The following NBPF15 variants were observed in gnomAD, a reference collection of about 807,000 sequenced individuals.
The protein encoded by NBPF15 is NBPF member 15.
Under a neutral mutation model 62.2 loss-of-function variants are expected in NBPF15, and 74 were observed. The observed-to-expected ratio is 1.19, with a 90% CI of 0.99 to 1.44. The LOEUF is 1.44. NBPF15 is among the 40% of genes most tolerant of loss of function. The probability of loss-of-function intolerance (pLI) is 0.00; values close to 1 mark genes in which losing one functional copy is unlikely to be tolerated. For synonymous variants in NBPF15, 244 were observed against 209.7 expected, an observed-to-expected ratio of 1.16 and a Z score of -1.41; for missense variants, 790 against 550.0, an observed-to-expected ratio of 1.44 and a Z score of -4.36.
At chr1:144,453,638 C>CAAAAAAAAAAAAAAAAAAAAAAA (rs200525708) in intron 4 of NBPF15, among the ~76,000 whole-genome samples, 3 of 36,400 alleles carry the variant, frequency 8.2e-5, no homozygotes, top group Non-Finnish European at 2.1e-4. Flanking sequence ...CAACACAAAG[C>CAAAAAAAAAAAAAAAAAAAAAAA]AAAAAAAAAA....
In NBPF15 at chr1:144,461,371, C is replaced by G. The variant is rs79851175; in HGVS notation, c.-938+10G>C. On this transcript the variant is annotated intron_variant, in intron 1 of 21. Coordinates refer to ENST00000581897, the MANE Select transcript of NBPF15 (RefSeq NM_001385408.1). ...CGACCCAGCTGTGTACCCGCGGGTCCCGGACTCACCGCCCGCCCGGCCTGG... is the reference window on the plus strand; with the variant it reads ...CGACCCAGCTGTGTACCCGCGGGTCGCGGACTCACCGCCCGCCCGGCCTGG... 2 of 151,738 alleles carry G rather than the reference C, an allele frequency of 1.3e-5. No individual in the cohort carries two copies. The highest frequency in any genetic ancestry group is 4.8e-5 in the African/African-American group (2 of 41,288). The allele number at this position is 151,738 out of a possible 1,614,324, so 9.4% of individuals were successfully genotyped here.
At position 144,461,385 on chromosome 1, in the gene NBPF15, C is replaced by T. The variant is rs1181645098; in HGVS notation, c.-942G>A. On this transcript the variant is annotated 5_prime_UTR_variant, in exon 1 of 22. Transcript: ENST00000581897. The stretch of plus-strand genomic sequence containing the variant: ...ACCCGCGGGTCCCGGACTCACCGCC[C>T]GCCCGGCCTGGCGCGGCGCCTTCAC... 2 of 151,900 alleles carry T rather than the reference C, an allele frequency of 1.3e-5. No individual in the cohort carries two copies. The highest frequency in any genetic ancestry group is 2.1e-4 in the South Asian group (1 of 4,820). 9.4% of individuals were successfully genotyped at this position (151,900 alleles called of 1,614,324 possible).
intron 4 of NBPF15, among the ~76,000 whole-genome samples, chr1:144,456,291 C>G (rs1647712063): frequency 6.6e-6 from 1 of 151,912 alleles, no homozygotes; most frequent in Non-Finnish European, 1.5e-5. Context: ...AGGAAAAGTC[C>G]TGGAGAGAAC....
chr1:144,440,136 C>T lies in NBPF15; in HGVS notation c.-36+5G>A, dbSNP rs1681722679. The T allele has an allele frequency of 1.3e-6, 2 of 1,583,830 alleles. No homozygotes were observed. Among genetic ancestry groups the T allele is most frequent in the Non-Finnish European group, 1.7e-6 (2 of 1,157,520 alleles). ...GGATGTAAGTAACTGAAATTCTTAA[C>T]TTACTGTTGTCAAAAATGTGATCAC... is the stretch of plus-strand genomic sequence containing the variant. On this transcript the variant is annotated splice_donor_5th_base_variant and intron_variant, in intron 7 of 21. Coordinates refer to ENST00000581897, the MANE Select transcript of NBPF15 (RefSeq NM_001385408.1).
intron 15 of NBPF15, among the ~76,000 whole-genome samples, 168 bp downstream of exon 15, chr1:144,428,438 G>A (rs1553539737): frequency 1.3e-5 from 2 of 152,100 alleles, no homozygotes. Context: ...AGGAAGAAAT[G>A]GAAACCTAAA....
chr1:144,427,776 A>G, intron 16 of NBPF15, 42 bp downstream of exon 16: 3 of 616,162 alleles, frequency 4.9e-6, no homozygotes, highest in Non-Finnish European at 8.6e-6. Flanking sequence ...CCTAACCAGA[A>G]GACTCAGTGG....
At chr1:144,458,833 A>G (rs1316238555) in intron 3 of NBPF15, among the ~76,000 whole-genome samples, 1 of 151,942 alleles carries the variant, frequency 6.6e-6, no homozygotes, top group East Asian at 1.9e-4. Context: ...TGAGCCCAAG[A>G]GTTTGAGACC....
At chr1:144,431,574 AT>A (rs1235294301) in intron 13 of NBPF15, among the ~76,000 whole-genome samples, 1 of 146,388 alleles carries the variant, frequency 6.8e-6, no homozygotes, top group East Asian at 2.0e-4. Context: ...ACATGTCCAC[AT>A]TGGTGTGCTT....
In NBPF15 at chr1:144,440,132, T is replaced by G; in HGVS notation, c.-36+9A>C. ...TGAGGGATGTAAGTAACTGAAATTCTTAACTTACTGTTGTCAAAAATGTGA... is the reference window on the plus strand; with the variant it reads ...TGAGGGATGTAAGTAACTGAAATTCGTAACTTACTGTTGTCAAAAATGTGA... On this transcript the variant is annotated intron_variant, in intron 7 of 21. Transcript: ENST00000581897. The G allele has an allele frequency of 6.3e-7, 1 of 1,583,328 alleles. No individual in the cohort carries two copies. The highest frequency in any genetic ancestry group is 8.6e-7 in the Non-Finnish European group (1 of 1,156,468).
At chr1:144,440,988 G>T (rs1301626297) in intron 6 of NBPF15, among the ~76,000 whole-genome samples, 5 of 151,400 alleles carry the variant, frequency 3.3e-5, no homozygotes, top group African/African-American at 1.2e-4. Context: ...TACTCAGGTG[G>T]GTATATATGC....
At chr1:144,428,866 T>G (rs1309144226) in intron 14 of NBPF15, among the ~76,000 whole-genome samples, 137 of 151,960 alleles carry the variant, frequency 9.0e-4, no homozygotes, top group Non-Finnish European at 1.1e-3. Flanking sequence ...ATTCCCCTGT[T>G]TTGGAATGTT....
intron 14 of NBPF15, among the ~76,000 whole-genome samples, chr1:144,429,239 A>T (rs1431951184): frequency 6.7e-6 from 1 of 149,560 alleles, no homozygotes; most frequent in Non-Finnish European, 1.5e-5. Context: ...AAATTCAGTG[A>T]AACCTGGGTC....
At chr1:144,423,713 A>C (rs1415567325) in intron 21 of NBPF15, among the ~76,000 whole-genome samples, 157 bp downstream of exon 21, 1 of 151,918 alleles carries the variant, frequency 6.6e-6, no homozygotes, top group Non-Finnish European at 1.5e-5. Flanking sequence ...AAGAAATGGA[A>C]ACCTAAACAT....
rs1424731736 is a variant in NBPF15 at position 144,421,642 on chromosome 1, G to A, written c.*1371C>T. 2.6e-5 allele frequency: 4 copies of A among 151,338 alleles called. No homozygotes were observed. Among genetic ancestry groups the A allele is most frequent in the Non-Finnish European group, 5.9e-5 (4 of 67,764 alleles). The allele number at this position is 151,338 out of a possible 1,614,324, so 9.4% of individuals were successfully genotyped here. On this transcript the variant is annotated 3_prime_UTR_variant, in exon 22 of 22. Coordinates refer to ENST00000581897, the MANE Select transcript of NBPF15 (RefSeq NM_001385408.1). ...AAAATTGAGACCCAAAATTTGCAGT[G>A]TAGAGATATGAATATAATAATAGAC...
chr1:144,437,237 A>G (rs1679185943), intron 9 of NBPF15, 128 bp from the exon 10 acceptor site: 1 of 945,290 alleles, frequency 1.1e-6, no homozygotes, highest in Non-Finnish European at 1.7e-6. Flanking sequence ...CACATGTTTA[A>G]AGGAATGTCT....
intron 13 of NBPF15, among the ~76,000 whole-genome samples, chr1:144,432,405 G>A (rs587680374): frequency 1.3e-5 from 2 of 151,998 alleles, no homozygotes; most frequent in East Asian, 1.9e-4. Flanking sequence ...ATCAACTAAC[G>A]GGCGAAATAA....
At chr1:144,458,082 G>C (rs1161861426) in intron 3 of NBPF15, among the ~76,000 whole-genome samples, 1 of 149,914 alleles carries the variant, frequency 6.7e-6, no homozygotes, top group East Asian at 2.0e-4. Flanking sequence ...GCGAGACACT[G>C]TCTCAAGAAA....
intron 6 of NBPF15, among the ~76,000 whole-genome samples, chr1:144,448,473 C>G (rs587634443): frequency 1.3e-5 from 2 of 152,034 alleles, no homozygotes; most frequent in Admixed American, 6.6e-5. Context: ...AGGGAGGGGA[C>G]AGACAACAAA....
Position 144,423,088 on chromosome 1 carries a change from C to T in NBPF15, c.1938G>A (p.Val646=), listed in dbSNP as rs781891184. ...CCGTCAAAGTAAAAAACCTATTGTC[C>T]ACGTAAAGGGCGAAGCTGATATGCT... ...EEEHISFALY[V]DNRFFTLTVT... is the part of the protein sequence containing the mutation. The change falls in exon 22 of 22, where the codon GTG becomes GTA. Residue 646 remains valine (V), a synonymous_variant. Coordinates refer to ENST00000581897, the MANE Select transcript of NBPF15 (RefSeq NM_001385408.1). The T allele has an allele frequency of 2.4e-5, 38 of 1,611,442 alleles. 1 individual carries two copies. In the African/African-American group the frequency reaches 3.5e-4, roughly 15 times the overall value.
Sources: allele counts gnomAD v4.1 joint callset (sites outside exome capture counted in the v4.1 genomes callset), GRCh38; gene constraint gnomAD v4.1.1; transcripts MANE v1.5; gene names NCBI Gene and HGNC (gene_info 2026-07-23, HGNC 2026-07-21).